Variants in TTC28 observed in about 807,000 individuals in gnomAD.
TTC28 encodes tetratricopeptide repeat domain 28.
In TTC28, 61 loss-of-function variants were observed where a neutral mutation model predicts 198.0. The observed-to-expected ratio is 0.31, with a 90% CI of 0.25 to 0.38. The LOEUF is 0.38. TTC28 is among the 10% of genes least tolerant of loss of function. The pLI, the probability that TTC28 is intolerant of heterozygous loss-of-function variation, is 1.00. For missense variants in TTC28, 2,678 were observed against 3,164.0 expected (o/e 0.85, Z 3.69); for synonymous variants, 1,171 against 1,297.8 (o/e 0.90, Z 2.10).
intron 2 of TTC28, among the ~76,000 whole-genome samples, chr22:28,565,690 G>A (rs2049957371): frequency 6.6e-6 from 1 of 152,182 alleles, no homozygotes; most frequent in African/African-American, 2.4e-5. Flanking sequence ...AAAATTAGAA[G>A]GGCTGAAATC....
At chr22:28,397,111 G>A (rs1036575422) in intron 2 of TTC28, among the ~76,000 whole-genome samples, 1 of 152,052 alleles carries the variant, frequency 6.6e-6, no homozygotes, top group Non-Finnish European at 1.5e-5. Flanking sequence ...ATAGCAAACA[G>A]TGAGCTACAT....
At chr22:28,449,143 G>C (rs550884442) in intron 2 of TTC28, among the ~76,000 whole-genome samples, 1 of 152,196 alleles carries the variant, frequency 6.6e-6, no homozygotes, top group Non-Finnish European at 1.5e-5. Flanking sequence ...ATAATTAGTG[G>C]CATATTCTCT....
Position 28,648,258 on chromosome 22 carries a change from A to C in TTC28, c.103-18428T>G, listed in dbSNP as rs539370440. On this transcript the variant is annotated intron_variant, in intron 1 of 22. Coordinates refer to ENST00000397906, the MANE Select transcript of TTC28 (RefSeq NM_001145418.2). Reference sequence around the variant, plus strand: ...AAAAAAAAAATGCTCGACATCAGTAATCATCAGGGAAATGCACATTAAAAC... The same window carrying C: ...AAAAAAAAAATGCTCGACATCAGTACTCATCAGGGAAATGCACATTAAAAC... Among the ~76,000 whole-genome samples the C allele has an allele frequency of 2.2e-4, 34 of 152,030 alleles. 1 individual carries two copies. Among genetic ancestry groups the C allele is most frequent in the Admixed American group, 2.1e-3 (32 of 15,258 alleles).
chr22:28,169,703 G>C (rs1444386090), intron 5 of TTC28, among the ~76,000 whole-genome samples: 1 of 152,062 alleles, frequency 6.6e-6, no homozygotes, highest in Non-Finnish European at 1.5e-5. Flanking sequence ...ATAGCATTGG[G>C]AGATATACCT....
intron 2 of TTC28, among the ~76,000 whole-genome samples, chr22:28,557,134 G>A (rs2049798948): frequency 6.6e-6 from 1 of 152,214 alleles, no homozygotes; most frequent in Non-Finnish European, 1.5e-5. Flanking sequence ...TTCACCTACA[G>A]TATCTTCAGG....
Position 28,679,750 on chromosome 22 carries a change from C to G in TTC28, c.-27G>C, listed in dbSNP as rs2052064001. 8.6e-7 allele frequency: 1 copy of G among 1,159,332 alleles called. No individual in the cohort carries two copies. The highest frequency in any genetic ancestry group is 1.6e-5 in the African/African-American group (1 of 61,882). 71.8% of individuals were successfully genotyped at this position (1,159,332 alleles called of 1,614,324 possible). ...CCCACGGGGCCCGGGCCGCGTCCGC[C>G]TCGAGCTAACGGTCCCGCCAGCTAG... On this transcript the variant is annotated 5_prime_UTR_variant, in exon 1 of 23. Coordinates refer to ENST00000397906, the MANE Select transcript of TTC28 (RefSeq NM_001145418.2).
intron 5 of TTC28, among the ~76,000 whole-genome samples, chr22:28,294,788 T>C (rs2044859882): frequency 6.6e-6 from 1 of 151,972 alleles, no homozygotes; most frequent in Non-Finnish European, 1.5e-5. Context: ...AGGCTGGTCT[T>C]CAACTCCTGA....
At chr22:28,319,254 A>G (rs1012534866) in intron 2 of TTC28, among the ~76,000 whole-genome samples, 2 of 152,130 alleles carry the variant, frequency 1.3e-5, no homozygotes, top group African/African-American at 4.8e-5. Flanking sequence ...CTTCCTCAGA[A>G]GCATGTTCTT....
intron 2 of TTC28, among the ~76,000 whole-genome samples, chr22:28,520,869 A>G (rs932289287): frequency 9.9e-5 from 15 of 152,002 alleles, no homozygotes; most frequent in African/African-American, 3.1e-4. Context: ...CCTGGCCAAC[A>G]TGGTAAAACC....
chr22:28,510,022 T>C (rs867047288), intron 2 of TTC28, among the ~76,000 whole-genome samples: 2 of 152,086 alleles, frequency 1.3e-5, no homozygotes, highest in African/African-American at 4.8e-5. Context: ...AGTTCTGAAA[T>C]TGAGGCAGAA....
intron 3 of TTC28, among the ~76,000 whole-genome samples, chr22:28,302,150 G>T (rs904712232): frequency 6.6e-6 from 1 of 152,060 alleles, no homozygotes; most frequent in African/African-American, 2.4e-5. Flanking sequence ...CTCTGTCAGG[G>T]TAGGTCTGGG....
intron 5 of TTC28, among the ~76,000 whole-genome samples, chr22:28,216,757 T>G (rs1280133433): frequency 6.6e-6 from 1 of 152,178 alleles, no homozygotes; most frequent in African/African-American, 2.4e-5. Context: ...AGTCTCACTC[T>G]GTCACCCAGA....
chr22:28,187,849 T>C (rs1924347363), intron 5 of TTC28, among the ~76,000 whole-genome samples: 1 of 152,254 alleles, frequency 6.6e-6, no homozygotes, highest in Non-Finnish European at 1.5e-5. Context: ...GCTAAGTAAC[T>C]GGCACATACT....
chr22:28,558,327 G>A (rs2049816596), intron 2 of TTC28, among the ~76,000 whole-genome samples: 1 of 152,200 alleles, frequency 6.6e-6, no homozygotes, highest in South Asian at 2.1e-4. Context: ...AAATGTTGGG[G>A]TATTTTTGTC....
Position 28,203,922 on chromosome 22 carries a change from TA to T in TTC28, c.934-40324del, listed in dbSNP as rs1188882084. 5.3e-5 allele frequency among the ~76,000 whole-genome samples: 8 copies of T among 152,258 alleles called. No individual in the cohort carries two copies. In the East Asian group the frequency reaches 1.5e-3, roughly 29 times the overall value. On this transcript the variant is annotated intron_variant, in intron 5 of 22. Transcript: ENST00000397906. ...TCATTTGATTATGTTATTGTTATGTTAAAAACGAAAACACAAAAAAGCAAAA... is the reference window on the plus strand; with the variant it reads ...TCATTTGATTATGTTATTGTTATGTTAAAACGAAAACACAAAAAAGCAAAA...
intron 2 of TTC28, among the ~76,000 whole-genome samples, chr22:28,517,399 A>G (rs1440224328): frequency 6.6e-6 from 1 of 152,200 alleles, no homozygotes; most frequent in Non-Finnish European, 1.5e-5. Flanking sequence ...GCTTTTGCCC[A>G]ACTATAGGCT....
chr22:28,518,965 A>T (rs764775399), intron 2 of TTC28, among the ~76,000 whole-genome samples: 1 of 152,240 alleles, frequency 6.6e-6, no homozygotes, highest in Non-Finnish European at 1.5e-5. Flanking sequence ...TGCATTGGGC[A>T]AGTCACTTAA....
At position 27,992,655 on chromosome 22, in the gene TTC28, T is replaced by C. The variant is rs757750475; in HGVS notation, c.5485A>G (p.Asn1829Asp). The C allele has an allele frequency of 6.4e-7, 1 of 1,551,662 alleles. No homozygotes were observed. Residue 1829 changes from asparagine (N) to aspartate (D), a missense_variant, in exon 19 of 23, where the codon AAT becomes GAT. Transcript: ENST00000397906. ...TTGCAAAGGGCTTGGAGGGCAGGAT[T>C]GGGCAGACCTAAACCAAGAAAAAAG... The part of the protein sequence containing the change: ...STLQSLLGLP[N>D]PALQALCKLI...
At chr22:28,237,949 C>G (rs1929370187) in intron 5 of TTC28, among the ~76,000 whole-genome samples, 1 of 152,084 alleles carries the variant, frequency 6.6e-6, no homozygotes, top group Non-Finnish European at 1.5e-5. Flanking sequence ...GCTTGTATTG[C>G]TTCTAATGAG....
Sources: gnomAD v4.1 joint callset for allele counts (sites outside exome capture counted in the v4.1 genomes callset) on GRCh38, gnomAD v4.1.1 for gene constraint, MANE v1.5 for transcripts, NCBI Gene and HGNC (gene_info 2026-07-23, HGNC 2026-07-21) for gene names.